SPATS2: variants seen among roughly 807,000 people sequenced by gnomAD.
SPATS2 encodes spermatogenesis associated serine rich 2.
SPATS2 carries 38 observed loss-of-function variants against 63.7 expected under a neutral mutation model. The observed-to-expected ratio is 0.60, with a 90% CI of 0.46 to 0.78. The LOEUF is 0.78. Ranked by LOEUF, SPATS2 falls within the 30% of genes least tolerant of loss-of-function variation. The pLI is 0.00. For synonymous variants in SPATS2, 207 were observed against 232.9 expected (o/e 0.89, Z 1.01); for missense variants, 588 against 666.2 (o/e 0.88, Z 1.29).
At chr12:49,498,145 A>ATATATATATATAT (rs1555191173) in intron 8 of SPATS2, among the ~76,000 whole-genome samples, 125 of 98,924 alleles carry the variant, frequency 1.3e-3, no homozygotes, top group African/African-American at 5.9e-3. Context: ...AAAAAAAAAA[A>ATATATATATATAT]ATATATATAT....
At chr12:49,489,330 T>C in intron 4 of SPATS2, 135 bp from the exon 5 acceptor site, 1 of 561,988 alleles carries the variant, frequency 1.8e-6, no homozygotes, top group Non-Finnish European at 3.1e-6. Context: ...TGCTTGTATG[T>C]ACTGTCACTG....
At chr12:49,446,967 C>T (rs1441800392) in intron 2 of SPATS2, among the ~76,000 whole-genome samples, 4 of 149,320 alleles carry the variant, frequency 2.7e-5, no homozygotes, top group Admixed American at 6.7e-5. Context: ...CTTACTCTGT[C>T]GCCCAGGCTG....
chr12:49,515,488 G>T lies in SPATS2; in HGVS notation c.898+875G>T, dbSNP rs1592477010. Among the ~76,000 whole-genome samples, 8 of 152,324 alleles carry T rather than the reference G, an allele frequency of 5.3e-5. 3 individuals carry two copies. Among genetic ancestry groups the T allele is most frequent in the Admixed American group, 5.2e-4 (8 of 15,296 alleles). ...GTGTGGTCACGGGCCAGAGGATGCA[G>T]CTTTGAAGCACTGAAATGACTTCAG... On this transcript the variant is annotated intron_variant, in intron 10 of 13. Transcript: ENST00000552918.
At chr12:49,437,665 A>G (rs1041411028) in intron 2 of SPATS2, among the ~76,000 whole-genome samples, 1 of 152,198 alleles carries the variant, frequency 6.6e-6, no homozygotes, top group Non-Finnish European at 1.5e-5. Context: ...CGTCTCCACC[A>G]AAAAAATACG....
In SPATS2 at chr12:49,481,458, A is replaced by ATTT. The variant is rs1013711085; in HGVS notation, c.26-3108_26-3106dup. Among the ~76,000 whole-genome samples the ATTT allele has an allele frequency of 3.8e-4, 37 of 97,796 alleles. 1 individual carries two copies. Among genetic ancestry groups the ATTT allele is most frequent in the African/African-American group, 1.4e-3 (28 of 19,432 alleles). The allele number at this position is 97,796 out of a possible 152,430, so 64.2% of individuals were successfully genotyped here. A position where few individuals can be genotyped will look rare whatever the true frequency, so the allele number is the denominator to read the frequency against. ...AGCTCAACAAGCTCAAGGCTTCCTC[A>ATTT]TTTTTTTTTTTTTTTTTTTTTTTTT... On this transcript the variant is annotated intron_variant, in intron 3 of 13. Transcript: ENST00000552918.
chr12:49,408,538 C>G (rs1944737402), intron 2 of SPATS2, among the ~76,000 whole-genome samples: 1 of 150,206 alleles, frequency 6.7e-6, no homozygotes, highest in African/African-American at 2.4e-5. Flanking sequence ...CAGGCTTGAG[C>G]CACTGTGCCT....
chr12:49,467,053 T>G (rs1292074896), intron 3 of SPATS2, among the ~76,000 whole-genome samples: 40 of 132,352 alleles, frequency 3.0e-4, no homozygotes, highest in South Asian at 8.0e-4. Context: ...TGTTTTTTTT[T>G]TTTTTTTTTT....
rs1945810350 is a variant in SPATS2 at position 49,460,919 on chromosome 12, T to G, written c.-94T>G. 1 of 1,462,158 alleles carries G rather than the reference T, an allele frequency of 6.8e-7. No individual in the cohort carries two copies. Among genetic ancestry groups the G allele is most frequent in the African/African-American group, 1.4e-5 (1 of 70,556 alleles). 90.6% of individuals were successfully genotyped at this position (1,462,158 alleles called of 1,614,324 possible). On this transcript the variant is annotated 5_prime_UTR_variant, in exon 3 of 14. Transcript: ENST00000552918. ...TTTGCTTCCAACTGCACACTTCCGT[T>G]GCCCACTTTTAAATCAGAGATACCT...
intron 2 of SPATS2, among the ~76,000 whole-genome samples, chr12:49,378,913 T>G (rs1236499047): frequency 6.6e-6 from 1 of 151,520 alleles, no homozygotes; most frequent in African/African-American, 2.4e-5. Context: ...TTTATTATTT[T>G]TATTTTATTT....
At chr12:49,464,239 A>G (rs1945870066) in intron 3 of SPATS2, among the ~76,000 whole-genome samples, 1 of 152,090 alleles carries the variant, frequency 6.6e-6, no homozygotes, top group Non-Finnish European at 1.5e-5. Flanking sequence ...TGTGGTAGCT[A>G]AAGCCTATAA....
At chr12:49,468,138 CTT>C (rs1565737212) in intron 3 of SPATS2, among the ~76,000 whole-genome samples, 1 of 130,084 alleles carries the variant, frequency 7.7e-6, no homozygotes, top group Non-Finnish European at 1.8e-5. Context: ...TTCTTTCACT[CTT>C]TTCTTTTCTT....
At chr12:49,484,756 A>T (rs1438896651) in intron 4 of SPATS2, 87 bp downstream of exon 4, 3 of 1,123,958 alleles carry the variant, frequency 2.7e-6, no homozygotes, top group Non-Finnish European at 3.9e-6. Flanking sequence ...CAAACTCATT[A>T]TGAGACTGAA....
At chr12:49,450,256 A>G (rs1945595476) in intron 2 of SPATS2, among the ~76,000 whole-genome samples, 1 of 148,300 alleles carries the variant, frequency 6.7e-6, no homozygotes, top group Admixed American at 6.7e-5. Context: ...AATTTTATTT[A>G]TTTATTTTTT....
chr12:49,485,211 C>T (rs759298749), intron 4 of SPATS2, among the ~76,000 whole-genome samples: 5 of 151,710 alleles, frequency 3.3e-5, no homozygotes, highest in Non-Finnish European at 5.9e-5. Flanking sequence ...GGACTACAGG[C>T]GCCCACCACC....
chr12:49,438,624 T>C (rs1592396732), intron 2 of SPATS2, among the ~76,000 whole-genome samples: 4 of 152,234 alleles, frequency 2.6e-5, no homozygotes, highest in African/African-American at 9.6e-5. Context: ...TTTTAGCCTT[T>C]CCTGTGTGTG....
intron 2 of SPATS2, among the ~76,000 whole-genome samples, chr12:49,455,299 G>A (rs1227744834): frequency 6.6e-6 from 1 of 152,188 alleles, no homozygotes; most frequent in Non-Finnish European, 1.5e-5. Flanking sequence ...GCCTTTTTGA[G>A]TCTTTGCTGC....
chr12:49,508,121 T>C (rs1005127983), intron 9 of SPATS2, among the ~76,000 whole-genome samples: 28 of 152,248 alleles, frequency 1.8e-4, no homozygotes, highest in Admixed American at 1.3e-4. Context: ...TATTCCTGTT[T>C]GTTTTATTCT....
chr12:49,440,810 T>C (rs1039912340), intron 2 of SPATS2, among the ~76,000 whole-genome samples: 3 of 152,190 alleles, frequency 2.0e-5, no homozygotes, highest in African/African-American at 7.2e-5. Flanking sequence ...CAGATTGTCC[T>C]TCAATTTGTT....
chr12:49,477,330 G>A (rs74089520), intron 3 of SPATS2, among the ~76,000 whole-genome samples: 7,456 of 152,214 alleles, frequency 0.049, 363 homozygotes, highest in African/African-American at 0.12. Flanking sequence ...CATAAGAAGA[G>A]GCACAGCATC....
Sources: gnomAD v4.1 joint callset for allele counts (sites outside exome capture counted in the v4.1 genomes callset) on GRCh38, gnomAD v4.1.1 for gene constraint, MANE v1.5 for transcripts, NCBI Gene and HGNC (gene_info 2026-07-23, HGNC 2026-07-21) for gene names.